KRABD3: variants seen among roughly 807,000 people sequenced by gnomAD.
KRABD3 encodes KRAB domain-containing protein 3.
At chr7:149,724,549 A>AC in the KRABD3 span, 1 of 795,998 alleles carries the variant, frequency 1.3e-6, no homozygotes, top group African/African-American at 1.8e-5. Flanking sequence ...CCGTGGAGGC[A>AC]CAGGGGCTTT....
the KRABD3 span, chr7:149,715,041 G>C: frequency 8.1e-7 from 1 of 1,229,174 alleles, no homozygotes; most frequent in Non-Finnish European, 1.0e-6. Flanking sequence ...GTGGCGGGGA[G>C]GCTGAGCCCG....
chr7:149,715,057 G>A, the KRABD3 span: 1 of 1,230,172 alleles, frequency 8.1e-7, no homozygotes, highest in Non-Finnish European at 1.0e-6. Context: ...GCCCGGGGAT[G>A]GCGCGCCAGG....
At chr7:149,720,092 AG>A in the KRABD3 span, 1 of 1,551,472 alleles carries the variant, frequency 6.4e-7, no homozygotes, top group Admixed American at 2.0e-5. Context: ...CACGCTGATG[AG>A]GGGCAGGAGC....
the KRABD3 span, chr7:149,734,560 G>A: frequency 6.5e-6 from 1 of 153,910 alleles, no homozygotes; most frequent in East Asian, 1.9e-4. Context: ...AATTAAAGAA[G>A]TGAGTTGCTA....
chr7:149,729,430 G>A, the KRABD3 span: 3 of 1,313,254 alleles, frequency 2.3e-6, no homozygotes, highest in Non-Finnish European at 2.9e-6. Flanking sequence ...GTTTGACAAG[G>A]AAATAGACTT....
the KRABD3 span, chr7:149,733,075 A>ACCTT: frequency 1.8e-6 from 2 of 1,108,918 alleles, no homozygotes; most frequent in Non-Finnish European, 2.6e-6. Context: ...GGCCTCACCC[A>ACCTT]CCTTCCTTCC....
At chr7:149,719,640 T>TG in the KRABD3 span, 1 of 1,605,044 alleles carries the variant, frequency 6.2e-7, no homozygotes, top group Admixed American at 1.7e-5. This position sits in a 1 kb window ranked among gnomAD's most constrained non-coding sequence, Gnocchi z 5.6. Flanking sequence ...CGAGACGTGA[T>TG]GCGGGAGAAC....
At chr7:149,730,769 C>T in the KRABD3 span, 19 of 664,844 alleles carry the variant, frequency 2.9e-5, no homozygotes, top group African/African-American at 7.3e-5. Context: ...TGAGCAGCTG[C>T]AGGGAGGTCT....
chr7:149,725,813 C>T, the KRABD3 span: 1 of 1,367,164 alleles, frequency 7.3e-7, no homozygotes, highest in African/African-American at 1.5e-5. Flanking sequence ...CTTCTGGTGC[C>T]CGTGCACCCC....
At chr7:149,721,826 C>T in the KRABD3 span, 3 of 588,074 alleles carry the variant, frequency 5.1e-6, no homozygotes, top group South Asian at 4.6e-5. Context: ...CATGCAGGCC[C>T]ACGGCCAGCA....
At chr7:149,719,301 C>A in the KRABD3 span, 1 of 402,062 alleles carries the variant, frequency 2.5e-6, no homozygotes. The surrounding 1 kb of genome is among the most constrained non-coding windows in gnomAD (Gnocchi z 5.6). Flanking sequence ...GTAATTCCAT[C>A]TGCAGGGACT....
chr7:149,731,685 T>A, the KRABD3 span: 1 of 1,610,420 alleles, frequency 6.2e-7, no homozygotes, highest in Non-Finnish European at 8.5e-7. Flanking sequence ...CAGCTCAGGA[T>A]CCCTGCCCGG....
the KRABD3 span, chr7:149,715,476 G>A: frequency 8.7e-6 from 4 of 458,338 alleles, no homozygotes; most frequent in Non-Finnish European, 1.2e-5. Context: ...CAGGTAAGGC[G>A]TTTAGATCTG....
the KRABD3 span, chr7:149,719,480 G>A: frequency 6.7e-7 from 1 of 1,497,068 alleles, no homozygotes; most frequent in East Asian, 2.5e-5. This position sits in a 1 kb window ranked among gnomAD's most constrained non-coding sequence, Gnocchi z 5.6. Context: ...GTTACCAAGT[G>A]CAGGGACAGC....
chr7:149,717,182 C>A, the KRABD3 span, among the ~76,000 whole-genome samples: 8 of 152,196 alleles, frequency 5.3e-5, no homozygotes, highest in African/African-American at 1.7e-4. Flanking sequence ...CTGTGTTGAG[C>A]CATCAGAATG....
chr7:149,728,787 C>A, the KRABD3 span: 1 of 1,187,856 alleles, frequency 8.4e-7, no homozygotes, highest in Non-Finnish European at 1.2e-6. Context: ...GCTCTGGAAA[C>A]AGACCTGGGC....
chr7:149,727,069 C>G, the KRABD3 span, among the ~76,000 whole-genome samples: 120,092 of 152,196 alleles, frequency 0.79, 47,878 homozygotes, highest in Middle Eastern at 0.88. Flanking sequence ...GCCTCCCCGG[C>G]TCACTCCAGT....
the KRABD3 span, chr7:149,715,085 C>G: frequency 8.1e-7 from 1 of 1,230,744 alleles, no homozygotes; most frequent in Non-Finnish European, 1.0e-6. Context: ...GGCGGACGCG[C>G]GGACCCCTCG....
chr7:149,722,740 G>A, the KRABD3 span: 35 of 1,560,134 alleles, frequency 2.2e-5, no homozygotes, highest in South Asian at 3.7e-5. Context: ...CCGGTGTCCC[G>A]TCAGGACTGC....
Sources: gnomAD v4.1 joint callset for allele counts (sites outside exome capture counted in the v4.1 genomes callset) on GRCh38, gnomAD v4.1.1 for gene constraint, Gnocchi (gnomAD v3.1) non-coding constraint, MANE v1.5 for transcripts, NCBI Gene and HGNC (gene_info 2026-07-23, HGNC 2026-07-21) for gene names.